The following PIGN variants were observed in gnomAD, a reference collection of about 807,000 sequenced individuals.
The protein encoded by PIGN is phosphatidylinositol glycan anchor biosynthesis class N, also known as GPI ethanolamine phosphate transferase 1.
A neutral mutation model predicts 125.4 loss-of-function variants in PIGN; 117 were observed. The observed-to-expected ratio is 0.93, with a 90% CI of 0.80 to 1.09. PIGN has a LOEUF of 1.09. Ranked by LOEUF, PIGN falls within the 50% of genes least tolerant of loss-of-function variation. PIGN has a pLI of 0.00. For missense variants in PIGN, 1,075 were observed against 1,094.9 expected (o/e 0.98, Z 0.26); for synonymous variants, 392 against 377.8 (o/e 1.04, Z -0.44).
chr18:62,149,506 T>C (rs1248849241), intron 7 of PIGN, among the ~76,000 whole-genome samples: 1 of 152,226 alleles, frequency 6.6e-6, no homozygotes, highest in African/African-American at 2.4e-5. Flanking sequence ...TTCAGCTATG[T>C]AATCCTTTCT....
intron 2 of PIGN, among the ~76,000 whole-genome samples, chr18:62,162,792 G>A (rs1568246813): frequency 6.6e-6 from 1 of 152,024 alleles, no homozygotes; most frequent in Non-Finnish European, 1.5e-5. Flanking sequence ...TCCATTTTCT[G>A]AGGCAGTTTA....
At chr18:62,126,167 T>C (rs1319250414) in intron 14 of PIGN, among the ~76,000 whole-genome samples, 2 of 152,102 alleles carry the variant, frequency 1.3e-5, no homozygotes, top group Admixed American at 6.6e-5. Context: ...TTCAAAAATA[T>C]TATTATATAT....
intron 23 of PIGN, among the ~76,000 whole-genome samples, chr18:62,018,284 G>A (rs1395316180): frequency 6.6e-6 from 1 of 152,224 alleles, no homozygotes; most frequent in Non-Finnish European, 1.5e-5. Flanking sequence ...AGATCAAGTT[G>A]AAGAATTAAA....
intron 17 of PIGN, chr18:62,107,710 C>A (rs1461508773): frequency 6.6e-6 from 1 of 151,762 alleles, no homozygotes; most frequent in Non-Finnish European, 1.5e-5. Context: ...ATTACAGATA[C>A]AACATCAATA....
chr18:62,083,216 A>C (rs1252605122), intron 27 of PIGN, among the ~76,000 whole-genome samples: 1 of 152,108 alleles, frequency 6.6e-6, no homozygotes, highest in Admixed American at 6.5e-5. Flanking sequence ...TTTTAAAAAA[A>C]TACATTTATT....
At chr18:62,121,022 A>T (rs760934465) in intron 14 of PIGN, among the ~76,000 whole-genome samples, 4 of 152,222 alleles carry the variant, frequency 2.6e-5, no homozygotes, top group Non-Finnish European at 5.9e-5. Flanking sequence ...GACATAACAC[A>T]CAAATATAAA....
chr18:62,130,490 T>C (rs1445461263), intron 14 of PIGN, among the ~76,000 whole-genome samples: 1 of 152,058 alleles, frequency 6.6e-6, no homozygotes, highest in African/African-American at 2.4e-5. Context: ...ATTGTTTTTA[T>C]TGAAAATATC....
Position 62,088,570 on chromosome 18 carries a change from A to T in PIGN, c.2370+186T>A, listed in dbSNP as rs3764492. ...AGGAATATATATATATACATACATA[A>T]AATTATTTATACTTTTCTATAGTTC... On this transcript the variant is annotated intron_variant, in intron 25 of 30. Coordinates refer to ENST00000640252, the MANE Select transcript of PIGN (RefSeq NM_176787.5). 250,914 of 420,570 alleles carry T rather than the reference A, an allele frequency of 0.6. 76,504 individuals are homozygous for T. Among genetic ancestry groups the T allele is most frequent in the East Asian group, 0.74 (15,649 of 21,096 alleles). The allele number at this position is 420,570 out of a possible 1,614,324, so 26.1% of individuals were successfully genotyped here. A position where few individuals can be genotyped will look rare whatever the true frequency, so the allele number is the denominator to read the frequency against.
chr18:62,025,908 A>AT, intron 23 of PIGN, among the ~76,000 whole-genome samples: 2 of 152,194 alleles, frequency 1.3e-5, no homozygotes, highest in African/African-American at 4.8e-5. Flanking sequence ...TTTTACTTAG[A>AT]TTGTTGCTAC....
intron 1 of PIGN, among the ~76,000 whole-genome samples, chr18:62,183,902 T>A (rs2037805769): frequency 6.6e-6 from 1 of 152,018 alleles, no homozygotes; most frequent in Non-Finnish European, 1.5e-5. Flanking sequence ...GTAAATAAAA[T>A]TGCAGTTATT....
chr18:62,037,700 G>T (rs1256340108), downstream of PIGN, among the ~76,000 whole-genome samples: 1 of 152,178 alleles, frequency 6.6e-6, no homozygotes, highest in Non-Finnish European at 1.5e-5. Context: ...TGAGGGGAGG[G>T]CAAAACCACC....
intron 14 of PIGN, among the ~76,000 whole-genome samples, chr18:62,125,834 G>A (rs1359928929): frequency 1.3e-5 from 2 of 151,922 alleles, no homozygotes; most frequent in Non-Finnish European, 2.9e-5. Context: ...TATAAAACTA[G>A]AATAACTAAA....
chr18:62,132,252 A>C (rs980846134), intron 14 of PIGN, among the ~76,000 whole-genome samples: 2 of 152,214 alleles, frequency 1.3e-5, no homozygotes, highest in Non-Finnish European at 2.9e-5. Flanking sequence ...GGACTAAAGA[A>C]ATAAAGGGTC....
intron 15 of PIGN, among the ~76,000 whole-genome samples, chr18:62,114,102 C>A (rs2034991292): frequency 6.6e-6 from 1 of 152,180 alleles, no homozygotes; most frequent in Non-Finnish European, 1.5e-5. Context: ...TGGCTCATGC[C>A]TGTAATCCCA....
chr18:62,177,091 G>A (rs2037552372), intron 1 of PIGN, among the ~76,000 whole-genome samples: 1 of 152,070 alleles, frequency 6.6e-6, no homozygotes. Flanking sequence ...AACATGATTT[G>A]CTAAACTTAC....
chr18:62,144,363 G>C (rs554564176), intron 10 of PIGN, among the ~76,000 whole-genome samples: 39 of 152,256 alleles, frequency 2.6e-4, no homozygotes, highest in Admixed American at 2.3e-3. Flanking sequence ...TTTAATGATA[G>C]AGCACTGCAC....
intron 14 of PIGN, among the ~76,000 whole-genome samples, chr18:62,132,995 G>A (rs930461330): frequency 1.3e-5 from 2 of 152,114 alleles, no homozygotes; most frequent in Non-Finnish European, 2.9e-5. Context: ...CAGCTAACAT[G>A]GAAGTGATAT....
rs201242848 is a variant in PIGN at position 62,157,765 on chromosome 18, G to A, written c.265C>T (p.Arg89Cys). 15 of 1,611,970 alleles carry A rather than the reference G, an allele frequency of 9.3e-6. No homozygotes were observed. Among genetic ancestry groups the A allele is most frequent in the South Asian group, 3.3e-5 (3 of 90,670 alleles). The part of the protein sequence containing the change: ...HEGSWGISHT[R>C]VPTESRPGHV... ...CCTGGCCGAGATTCTGTTGGCACAC[G>A]TGTATGAGATATGCCCCAGCTGCCT... Residue 89 changes from arginine (R) to cysteine (C), a missense_variant, in exon 5 of 31, where the codon CGT (arginine) becomes TGT (cysteine). Arg to Cys is a radical substitution (Grantham distance 180). Coordinates refer to ENST00000640252, the MANE Select transcript of PIGN (RefSeq NM_176787.5).
intron 22 of PIGN, among the ~76,000 whole-genome samples, chr18:62,098,459 T>G (rs1201163080): frequency 2.0e-5 from 3 of 152,154 alleles, no homozygotes; most frequent in Non-Finnish European, 4.4e-5. Context: ...ATAATAAAAG[T>G]CAGTTCAAAT....
Sources: allele counts gnomAD v4.1 joint callset (sites outside exome capture counted in the v4.1 genomes callset), GRCh38; gene constraint gnomAD v4.1.1; transcripts MANE v1.5; gene names NCBI Gene and HGNC (gene_info 2026-07-23, HGNC 2026-07-21).